Variants in CSMD1 observed in about 807,000 individuals in gnomAD.
CSMD1 encodes CUB and sushi domain-containing protein 1.
In CSMD1, 213 loss-of-function variants were observed where a neutral mutation model predicts 417.5. The ratio of observed to expected loss-of-function variants is 0.51; its 90% CI spans 0.46 to 0.57. The LOEUF is 0.57. CSMD1 is among the 20% of genes least tolerant of loss of function. The pLI, the probability that CSMD1 is intolerant of heterozygous loss-of-function variation, is 0.00. For missense variants in CSMD1, 6,923 were observed against 4,529.7 expected (o/e 1.53, Z -15.17); for synonymous variants, 2,862 against 1,736.8 (o/e 1.65, Z -16.11).
At chr8:3,227,604 A>G (rs1323758437) in intron 27 of CSMD1, among the ~76,000 whole-genome samples, 1 of 152,164 alleles carries the variant, frequency 6.6e-6, no homozygotes, top group Non-Finnish European at 1.5e-5. Flanking sequence ...ACAAATAGAT[A>G]CTAGAGAGTG....
chr8:4,260,769 A>G (rs960782563), intron 3 of CSMD1, among the ~76,000 whole-genome samples: 1 of 152,206 alleles, frequency 6.6e-6, no homozygotes, highest in African/African-American at 2.4e-5. Flanking sequence ...TAAGTTATAT[A>G]GGACATACAA....
chr8:3,722,450 G>C (rs1222571598), intron 6 of CSMD1, among the ~76,000 whole-genome samples: 2 of 152,132 alleles, frequency 1.3e-5, no homozygotes, highest in African/African-American at 2.4e-5. Flanking sequence ...ATATTAAAAA[G>C]TGCTTGCCCC....
intron 3 of CSMD1, among the ~76,000 whole-genome samples, chr8:4,133,641 ACT>A (rs1803243718): frequency 6.6e-6 from 1 of 152,114 alleles, no homozygotes. Flanking sequence ...GAAGAGGAAA[ACT>A]CTAAAATCTC....
At chr8:4,813,422 C>A (rs558475001) in intron 1 of CSMD1, among the ~76,000 whole-genome samples, 1 of 152,248 alleles carries the variant, frequency 6.6e-6, no homozygotes, top group South Asian at 2.1e-4. Context: ...ACTCAGCCTA[C>A]CAGTCTGCCT....
At chr8:3,918,000 C>A (rs1808943637) in intron 5 of CSMD1, among the ~76,000 whole-genome samples, 1 of 152,064 alleles carries the variant, frequency 6.6e-6, no homozygotes, top group Admixed American at 6.6e-5. Context: ...CTTCCCGATT[C>A]ACGCATGCTG....
intron 2 of CSMD1, among the ~76,000 whole-genome samples, chr8:4,578,030 A>C (rs1044870322): frequency 8.5e-5 from 13 of 152,198 alleles, no homozygotes; most frequent in Non-Finnish European, 1.9e-4. Context: ...GCTCGGCTTT[A>C]GGACTGTGTA....
At chr8:3,700,099 C>A (rs561530012) in intron 7 of CSMD1, among the ~76,000 whole-genome samples, 1 of 152,056 alleles carries the variant, frequency 6.6e-6, no homozygotes, top group Non-Finnish European at 1.5e-5. Context: ...GCTCTGTGGA[C>A]GTTGGGGGAA....
intron 4 of CSMD1, among the ~76,000 whole-genome samples, chr8:4,007,440 A>C (rs1259277018): frequency 1.3e-5 from 2 of 152,146 alleles, no homozygotes; most frequent in African/African-American, 4.8e-5. Flanking sequence ...CTGCCTGAGA[A>C]GCACATCTCC....
intron 10 of CSMD1, among the ~76,000 whole-genome samples, chr8:3,495,929 G>A (rs925201229): frequency 6.6e-6 from 1 of 152,022 alleles, no homozygotes; most frequent in African/African-American, 2.4e-5. Flanking sequence ...AAGTTCCGGG[G>A]TACATGGGCA....
At chr8:3,318,979 G>C (rs1486900758) in intron 23 of CSMD1, among the ~76,000 whole-genome samples, 1 of 152,106 alleles carries the variant, frequency 6.6e-6, no homozygotes, top group African/African-American at 2.4e-5. Flanking sequence ...TTTATACAAA[G>C]GGAGACCCAG....
chr8:3,345,895 T>C (rs1807957913), intron 22 of CSMD1, among the ~76,000 whole-genome samples: 2 of 152,234 alleles, frequency 1.3e-5, no homozygotes, highest in South Asian at 2.1e-4. Context: ...CCATTCTATA[T>C]TCCTTTCATG....
intron 5 of CSMD1, among the ~76,000 whole-genome samples, chr8:3,967,487 G>A (rs1247122496): frequency 6.6e-6 from 1 of 151,446 alleles, no homozygotes; most frequent in Non-Finnish European, 1.5e-5. Context: ...GAAAGTTGTT[G>A]AAATACATGT....
At chr8:3,328,385 T>C (rs1450639923) in intron 23 of CSMD1, among the ~76,000 whole-genome samples, 1 of 152,196 alleles carries the variant, frequency 6.6e-6, no homozygotes, top group Non-Finnish European at 1.5e-5. Context: ...ACTTTTACAG[T>C]TTATCCACCT....
chr8:3,504,371 G>C (rs1019955620), intron 10 of CSMD1, among the ~76,000 whole-genome samples: 1 of 152,148 alleles, frequency 6.6e-6, no homozygotes, highest in Non-Finnish European at 1.5e-5. Context: ...TGTCTTATCC[G>C]TAAAATGAGA....
chr8:4,229,617 C>T (rs573252835), intron 3 of CSMD1, among the ~76,000 whole-genome samples: 73 of 152,248 alleles, frequency 4.8e-4, no homozygotes, highest in African/African-American at 1.7e-3. Flanking sequence ...CCCAGATGCC[C>T]TCATAGTTCA....
At chr8:4,477,160 C>G (rs1168404219) in intron 2 of CSMD1, among the ~76,000 whole-genome samples, 1 of 152,208 alleles carries the variant, frequency 6.6e-6, no homozygotes, top group Non-Finnish European at 1.5e-5. Context: ...GTGACCCTTC[C>G]TTATCCCACT....
rs1808513455 is a variant in CSMD1, at chr8:4,948,440, CT to C, written c.85+45891del. On this transcript the variant is annotated intron_variant, in intron 1 of 69. Coordinates refer to ENST00000635120, the MANE Select transcript of CSMD1 (RefSeq NM_033225.6). ...CATATCTATCTATTCCTGATTTGTTCTTTCTATTTCTTTCTTATCCAGTAAT... is the reference window on the plus strand; with the variant it reads ...CATATCTATCTATTCCTGATTTGTTCTTCTATTTCTTTCTTATCCAGTAAT... Among the ~76,000 whole-genome samples, 6 of 131,430 alleles carry C rather than the reference CT, an allele frequency of 4.6e-5. No individual in the cohort carries two copies. In the South Asian group the frequency reaches 1.2e-3, roughly 26 times the overall value. 86.2% of individuals were successfully genotyped at this position (131,430 alleles called of 152,430 possible).
intron 5 of CSMD1, among the ~76,000 whole-genome samples, chr8:3,816,870 G>T (rs545004555): frequency 6.6e-6 from 1 of 151,952 alleles, no homozygotes; most frequent in Non-Finnish European, 1.5e-5. Context: ...AGGGGTAAGG[G>T]GGCACTATAT....
At chr8:4,457,462 C>CT (rs1440072007) in intron 2 of CSMD1, among the ~76,000 whole-genome samples, 2 of 151,950 alleles carry the variant, frequency 1.3e-5, no homozygotes, top group African/African-American at 4.8e-5. Context: ...AAAAGTCTTG[C>CT]TTATTGGAAA....
Sources: gnomAD v4.1 joint callset for allele counts (sites outside exome capture counted in the v4.1 genomes callset) on GRCh38, gnomAD v4.1.1 for gene constraint, MANE v1.5 for transcripts, NCBI Gene and HGNC (gene_info 2026-07-23, HGNC 2026-07-21) for gene names.